EXOSC7: variants seen among roughly 807,000 people sequenced by gnomAD.
EXOSC7 encodes exosome component 7.
Under a neutral mutation model 34.3 loss-of-function variants are expected in EXOSC7, and 25 were observed. The ratio of observed to expected loss-of-function variants is 0.73; its 90% CI spans 0.53 to 1.02. The LOEUF is 1.02. Among genes scored for constraint, EXOSC7 ranks in the 50% least tolerant of loss-of-function variants. The probability of loss-of-function intolerance (pLI) is 0.00; values close to 1 mark genes in which losing one functional copy is unlikely to be tolerated. For missense variants in EXOSC7, 370 were observed against 368.5 expected (o/e 1.00, Z -0.03); for synonymous variants, 130 against 143.0 (o/e 0.91, Z 0.65).
chr3:44,998,366 C>T (rs1353849570), intron 4 of EXOSC7, among the ~76,000 whole-genome samples: 2 of 152,030 alleles, frequency 1.3e-5, no homozygotes, highest in Admixed American at 1.3e-4. Context: ...AACCACCGTG[C>T]CTGGCCTTAA....
At chr3:45,009,747 T>C (rs1707155231) in intron 7 of EXOSC7, among the ~76,000 whole-genome samples, 1 of 151,924 alleles carries the variant, frequency 6.6e-6, no homozygotes, top group African/African-American at 2.4e-5. Context: ...GGGGTTTCAG[T>C]ATGTTTGCCA....
rs375655551 is a variant in EXOSC7, at chr3:44,989,267, C to T, written c.159+26C>T. 2.5e-5 allele frequency: 39 copies of T among 1,545,314 alleles called. No individual in the cohort carries two copies. The African/African-American group carries it at 5.0e-4, about 20-fold the overall frequency. On this transcript the variant is annotated intron_variant, in intron 2 of 7. Coordinates refer to ENST00000265564, the MANE Select transcript of EXOSC7 (RefSeq NM_015004.4). Reference sequence around the variant, plus strand: ...GTGAGTACTGTGACCATGGTTCAAGCCCAGGTGGAGAAATGAGTAGGCCCT... The same window carrying T: ...GTGAGTACTGTGACCATGGTTCAAGTCCAGGTGGAGAAATGAGTAGGCCCT...
chr3:44,977,479 A>G (rs370293628), intron 1 of EXOSC7: 1 of 152,208 alleles, frequency 6.6e-6, no homozygotes, highest in Non-Finnish European at 1.5e-5. Context: ...GGCCCTTTAT[A>G]TATGAAGAAA....
At chr3:44,982,884 C>T (rs1363232893) in intron 1 of EXOSC7, among the ~76,000 whole-genome samples, 1 of 152,216 alleles carries the variant, frequency 6.6e-6, no homozygotes, top group Non-Finnish European at 1.5e-5. Flanking sequence ...CAAGGATCAA[C>T]ACCTACTTTT....
intron 2 of EXOSC7, 43 bp downstream of exon 2, chr3:44,989,284 G>T (rs762998666): frequency 7.0e-7 from 1 of 1,424,850 alleles, no homozygotes; most frequent in South Asian, 1.2e-5. Flanking sequence ...GGAGAAATGA[G>T]TAGGCCCTAA....
intron 1 of EXOSC7, among the ~76,000 whole-genome samples, chr3:44,988,149 A>G (rs1706472193): frequency 1.3e-5 from 2 of 152,226 alleles, no homozygotes; most frequent in Admixed American, 1.3e-4. Context: ...CTTGATCCCT[A>G]GGGCTGGGCA....
chr3:44,994,867 G>C (rs1180573454), intron 3 of EXOSC7, among the ~76,000 whole-genome samples: 1 of 68,506 alleles, frequency 1.5e-5, no homozygotes, highest in Non-Finnish European at 3.0e-5. Context: ...GTGTGTGTGT[G>C]TGTGTGTGTG....
intron 4 of EXOSC7, 58 bp from the exon 5 acceptor site, chr3:45,001,480 C>T (rs1463860622): frequency 1.1e-5 from 14 of 1,302,450 alleles, no homozygotes; most frequent in Non-Finnish European, 1.6e-5. Context: ...TGGGGTAATA[C>T]CTAAAGTAAT....
rs559618494 is a variant in EXOSC7, at chr3:44,987,936, AATAG to A, written c.58-1200_58-1197del. Among the ~76,000 whole-genome samples the A allele has an allele frequency of 2.0e-5, 3 of 152,364 alleles. No individual in the cohort carries two copies. In the South Asian group the frequency reaches 6.2e-4, roughly 32 times the overall value. ...TATCAGTATGAACTCTTGGCTTTTT[AATAG>A]ATATGTAGATAGATACAGAATTAAA... On this transcript the variant is annotated intron_variant, in intron 1 of 7. Transcript: ENST00000265564.
At chr3:44,990,008 A>G (rs1335588601) in intron 3 of EXOSC7, among the ~76,000 whole-genome samples, 3 of 152,038 alleles carry the variant, frequency 2.0e-5, no homozygotes, top group Admixed American at 2.0e-4. Flanking sequence ...TTCTCTTCCT[A>G]CTCTAGTTCT....
chr3:45,007,830 T>G (rs1453854303), intron 7 of EXOSC7, among the ~76,000 whole-genome samples: 2 of 152,104 alleles, frequency 1.3e-5, no homozygotes, highest in African/African-American at 4.8e-5. Flanking sequence ...CCCATCTCAT[T>G]TCTATGTGTC....
chr3:45,008,480 C>G (rs1193116277), intron 7 of EXOSC7, among the ~76,000 whole-genome samples: 2 of 152,218 alleles, frequency 1.3e-5, no homozygotes, highest in Non-Finnish European at 2.9e-5. Context: ...CTGTATATAG[C>G]ATGGAGTTCC....
intron 7 of EXOSC7, among the ~76,000 whole-genome samples, chr3:45,009,002 T>A (rs1707132390): frequency 6.6e-6 from 1 of 152,238 alleles, no homozygotes; most frequent in South Asian, 2.1e-4. Flanking sequence ...ATGAGGAAAC[T>A]GAGGCACACA....
chr3:44,996,042 G>A lies in EXOSC7; in HGVS notation c.255-1045G>A, dbSNP rs189659086. 3.3e-5 allele frequency among the ~76,000 whole-genome samples: 5 copies of A among 152,242 alleles called. No homozygotes were observed. In the East Asian group the frequency reaches 7.7e-4, roughly 24 times the overall value. On this transcript the variant is annotated intron_variant, in intron 3 of 7. Coordinates refer to ENST00000265564, the MANE Select transcript of EXOSC7 (RefSeq NM_015004.4). ...TACCTCACTGTTTGCTCCCTATGGT[G>A]AAACTCCCCTACCTCACTGGAACTG... is the stretch of plus-strand genomic sequence containing the variant.
intron 1 of EXOSC7, among the ~76,000 whole-genome samples, chr3:44,978,260 A>G (rs533862877): frequency 3.9e-5 from 6 of 152,312 alleles, no homozygotes; most frequent in Admixed American, 1.3e-4. Flanking sequence ...GGAGTTTGAG[A>G]CCAGCTTGGG....
intron 1 of EXOSC7, among the ~76,000 whole-genome samples, chr3:44,978,444 C>G (rs1249350317): frequency 6.6e-6 from 1 of 152,188 alleles, no homozygotes; most frequent in Non-Finnish European, 1.5e-5. Flanking sequence ...TCATTCAACA[C>G]AGAACTGAGC....
At position 44,980,059 on chromosome 3, in the gene EXOSC7, T is replaced by TGGGAGGCTGAGGTGGGAGGAAA. The variant is rs1253718288; in HGVS notation, c.57+3725_57+3726insGGGAGGCTGAGGTGGGAGGAAA. On this transcript the variant is annotated intron_variant, in intron 1 of 7. Transcript: ENST00000265564. ...GGGGAGGAAACAGTATTACCACATT[T>TGGGAGGCTGAGGTGGGAGGAAA]CAGTGATAGCTGGAACTGTGGAGGA... 1.1e-3 allele frequency among the ~76,000 whole-genome samples: 163 copies of TGGGAGGCTGAGGTGGGAGGAAA among 152,180 alleles called. 1 individual carries two copies. The highest frequency in any genetic ancestry group is 9.0e-3 in the Admixed American group (137 of 15,280).
At chr3:44,984,466 C>CAAGAAAA (rs1706353103) in intron 1 of EXOSC7, among the ~76,000 whole-genome samples, 1 of 115,910 alleles carries the variant, frequency 8.6e-6, no homozygotes. Flanking sequence ...GATCCTGTCT[C>CAAGAAAA]AAAAAAAAAA....
intron 1 of EXOSC7, among the ~76,000 whole-genome samples, chr3:44,986,244 T>C (rs1706411607): frequency 6.6e-6 from 1 of 152,028 alleles, no homozygotes; most frequent in African/African-American, 2.4e-5. Flanking sequence ...GGCTCCCGCA[T>C]GGCAGGCTGC....
Sources: gnomAD v4.1 joint callset for allele counts (sites outside exome capture counted in the v4.1 genomes callset) on GRCh38, gnomAD v4.1.1 for gene constraint, MANE v1.5 for transcripts, NCBI Gene and HGNC (gene_info 2026-07-23, HGNC 2026-07-21) for gene names.